The following EBF3 variants were observed in gnomAD, a reference collection of about 807,000 sequenced individuals.
EBF3 encodes the protein EBF transcription factor 3, also known as transcription factor COE3.
Under a neutral mutation model 77.1 loss-of-function variants are expected in EBF3, and 18 were observed. The ratio of observed to expected loss-of-function variants is 0.23; its 90% CI spans 0.16 to 0.35. EBF3 has a LOEUF of 0.35. EBF3 is among the 10% of genes least tolerant of loss of function. EBF3 has a pLI of 1.00. For missense variants in EBF3, 558 were observed against 860.0 expected, an observed-to-expected ratio of 0.65 and a Z score of 4.39; for synonymous variants, 350 against 343.5, an observed-to-expected ratio of 1.02 and a Z score of -0.21.
intron 6 of EBF3, among the ~76,000 whole-genome samples, chr10:129,913,653 C>G (rs1855676659): frequency 6.6e-6 from 1 of 152,216 alleles, no homozygotes; most frequent in Admixed American, 6.5e-5. Context: ...AAGATACAAG[C>G]CAGAGGAGAA....
chr10:129,850,292 T>C (rs60013719), intron 10 of EBF3, among the ~76,000 whole-genome samples: 3,077 of 152,394 alleles, frequency 0.02, 113 homozygotes, highest in African/African-American at 0.069. Context: ...GACGCTTTAA[T>C]GCAAGCTTTC....
chr10:129,959,943 C>A (rs569916307), intron 4 of EBF3, among the ~76,000 whole-genome samples: 3 of 152,276 alleles, frequency 2.0e-5, no homozygotes, highest in African/African-American at 4.8e-5. Context: ...GCAGTCTCTG[C>A]GCGCACGCTC....
Position 129,932,915 on chromosome 10 carries a change from A to C in EBF3, c.554+24343T>G, listed in dbSNP as rs535104576. Among the ~76,000 whole-genome samples, 5 of 60,428 alleles carry C rather than the reference A, an allele frequency of 8.3e-5. No homozygotes were observed. The South Asian group carries it at 1.6e-3, about 19-fold the overall frequency. 39.6% of individuals were successfully genotyped at this position (60,428 alleles called of 152,430 possible). A position where few individuals can be genotyped will look rare whatever the true frequency, so the allele number is the denominator to read the frequency against. ...TTTTCCTTTTTTTTTTTTTTTTTTCAATTTCAGAATGCTCAGTGTAGCAGC... is the reference window on the plus strand; with the variant it reads ...TTTTCCTTTTTTTTTTTTTTTTTTCCATTTCAGAATGCTCAGTGTAGCAGC... On this transcript the variant is annotated intron_variant, in intron 6 of 16. Transcript: ENST00000440978.
In EBF3 at chr10:129,941,599, G is replaced by T. The variant is rs563523506; in HGVS notation, c.554+15659C>A. On this transcript the variant is annotated intron_variant, in intron 6 of 16. Coordinates refer to ENST00000440978, the MANE Select transcript of EBF3 (RefSeq NM_001375380.1). ...GGGGGGAGCCCTCCAGGCCCAAAGC[G>T]CTGGGCACTCTGGCGGCGGTGGAGG... Among the ~76,000 whole-genome samples the T allele has an allele frequency of 4.7e-4, 71 of 152,326 alleles. 1 individual carries two copies. The highest frequency in any genetic ancestry group is 1.5e-3 in the African/African-American group (64 of 41,578).
Position 129,870,301 on chromosome 10 carries a change from T to G in EBF3, c.782-2389A>C, listed in dbSNP as rs1316643981. ...TACACAGACAGCGTTAGAGATCTAA[T>G]GATATACGCGCACAATACACTCAAG... On this transcript the variant is annotated intron_variant, in intron 8 of 16. Transcript: ENST00000440978. The surrounding 1 kb of genome is among the most constrained non-coding windows in gnomAD (Gnocchi z 4.4). Among the ~76,000 whole-genome samples the G allele has an allele frequency of 6.6e-6, 1 of 151,998 alleles. No individual in the cohort carries two copies. Among genetic ancestry groups the G allele is most frequent in the Non-Finnish European group, 1.5e-5 (1 of 68,012 alleles).
chr10:129,885,324 GGTTTTAATGT>G lies in EBF3; in HGVS notation c.555-7485_555-7476del, dbSNP rs1853496278. Among the ~76,000 whole-genome samples the G allele has an allele frequency of 6.6e-6, 1 of 152,124 alleles. No homozygotes were observed. Among genetic ancestry groups the G allele is most frequent in the Non-Finnish European group, 1.5e-5 (1 of 68,026 alleles). ...TGACTCGCATTAAACTTTTCCGGGT[GGTTTTAATGT>G]GTTCAGATAAGTAAAATCCAGGTAG... On this transcript the variant is annotated intron_variant, in intron 6 of 16. Coordinates refer to ENST00000440978, the MANE Select transcript of EBF3 (RefSeq NM_001375380.1). The surrounding 1 kb of genome is among the most constrained non-coding windows in gnomAD (Gnocchi z 4.0).
intron 6 of EBF3, among the ~76,000 whole-genome samples, chr10:129,916,845 C>T (rs1446124426): frequency 3.9e-5 from 6 of 152,178 alleles, no homozygotes; most frequent in Non-Finnish European, 5.9e-5. Context: ...GACGAAGGTG[C>T]TCCCTGGGAA....
At chr10:129,868,135 G>GA (rs1284201863) in intron 8 of EBF3, among the ~76,000 whole-genome samples, 6 of 152,214 alleles carry the variant, frequency 3.9e-5, no homozygotes, top group African/African-American at 1.4e-4. Flanking sequence ...TAGTGAGCGA[G>GA]AAAAAAATGG....
intron 6 of EBF3, among the ~76,000 whole-genome samples, chr10:129,919,032 G>A (rs987096404): frequency 6.6e-6 from 1 of 152,212 alleles, no homozygotes; most frequent in African/African-American, 2.4e-5. Context: ...CCCAGCCTGG[G>A]CACAGTGGGA....
intron 11 of EBF3, among the ~76,000 whole-genome samples, chr10:129,846,937 C>T (rs985348287): frequency 2.0e-5 from 3 of 152,096 alleles, no homozygotes; most frequent in Non-Finnish European, 4.4e-5. Flanking sequence ...GAAGCCCTTC[C>T]CTGGAGGGCT....
At chr10:129,845,489 T>C (rs996754980) in intron 11 of EBF3, 1 of 152,234 alleles carries the variant, frequency 6.6e-6, no homozygotes, top group Non-Finnish European at 1.5e-5. Context: ...GATTTGAATA[T>C]ACATGATTAT....
intron 6 of EBF3, among the ~76,000 whole-genome samples, chr10:129,937,867 A>C (rs958069907): frequency 6.6e-6 from 1 of 152,222 alleles, no homozygotes; most frequent in African/African-American, 2.4e-5. Flanking sequence ...CCGGGGAAAC[A>C]TTCCATCCCA....
rs572976289 is a variant in EBF3 at position 129,922,756 on chromosome 10, G to A, written c.554+34502C>T. On this transcript the variant is annotated intron_variant, in intron 6 of 16. Transcript: ENST00000440978. ...ACTGCAGCCCTCCTGACCCTGATGT[G>A]GGGCTGGGGGCTGACGGGACCACCC... 5.9e-5 allele frequency among the ~76,000 whole-genome samples: 9 copies of A among 152,360 alleles called. No homozygotes were observed. The South Asian group carries it at 1.7e-3, about 28-fold the overall frequency.
chr10:129,915,631 A>G (rs1195254881), intron 6 of EBF3, among the ~76,000 whole-genome samples: 1 of 152,222 alleles, frequency 6.6e-6, no homozygotes, highest in Non-Finnish European at 1.5e-5. Context: ...ACAGCCGCCG[A>G]GAGTGCGGGA....
chr10:129,921,223 G>A (rs1182789284), intron 6 of EBF3, among the ~76,000 whole-genome samples: 2 of 152,176 alleles, frequency 1.3e-5, no homozygotes, highest in Non-Finnish European at 1.5e-5. Flanking sequence ...GGTCCCTGAA[G>A]CAGCTTTCTC....
Position 129,842,041 on chromosome 10 carries a change from T to C in EBF3, c.1372+75A>G. ...CATTCCCCAGCTGGCCCTGGACACG[T>C]GCCTCTTCAGCTAAGGCCTCAACCA... is the stretch of plus-strand genomic sequence containing the variant. On this transcript the variant is annotated intron_variant, in intron 13 of 16. Coordinates refer to ENST00000440978, the MANE Select transcript of EBF3 (RefSeq NM_001375380.1). This position sits in a 1 kb window ranked among gnomAD's most constrained non-coding sequence, Gnocchi z 4.4. The C allele has an allele frequency of 2.5e-6, 4 of 1,588,786 alleles. No homozygotes were observed. The highest frequency in any genetic ancestry group is 4.5e-5 in the East Asian group (2 of 44,654).
chr10:129,945,963 G>T lies in EBF3; in HGVS notation c.554+11295C>A, dbSNP rs749726516. ...GGCCGCTGACAAATATTTTATTCAGGGCATTAGTAAAAGTTTCCACTCGTT... is the reference window on the plus strand; with the variant it reads ...GGCCGCTGACAAATATTTTATTCAGTGCATTAGTAAAAGTTTCCACTCGTT... On this transcript the variant is annotated intron_variant, in intron 6 of 16. Transcript: ENST00000440978. Among the ~76,000 whole-genome samples the T allele has an allele frequency of 8.4e-4, 127 of 151,638 alleles. 1 individual carries two copies. Among genetic ancestry groups the T allele is most frequent in the Non-Finnish European group, 2.6e-4 (18 of 68,004 alleles).
chr10:129,906,051 T>C (rs917699186), intron 6 of EBF3, among the ~76,000 whole-genome samples: 1 of 152,224 alleles, frequency 6.6e-6, no homozygotes, highest in Non-Finnish European at 1.5e-5. Context: ...AGCAATTTGC[T>C]GGCAAATACA....
At chr10:129,917,679 A>AAAAAAAAAAAAC (rs1564887155) in intron 6 of EBF3, among the ~76,000 whole-genome samples, 5 of 141,978 alleles carry the variant, frequency 3.5e-5, no homozygotes, top group South Asian at 4.6e-4. Flanking sequence ...AAAAAAAAAA[A>AAAAAAAAAAAAC]CTAAAACCAA....
Sources: allele counts gnomAD v4.1 joint callset (sites outside exome capture counted in the v4.1 genomes callset), GRCh38; gene constraint gnomAD v4.1.1; non-coding constraint Gnocchi (gnomAD v3.1); transcripts MANE v1.5; gene names NCBI Gene and HGNC (gene_info 2026-07-23, HGNC 2026-07-21).